LRRFIP1: variants seen among roughly 807,000 people sequenced by gnomAD.
LRRFIP1 encodes the protein LRR binding FLII interacting protein 1.
LRRFIP1 carries 62 observed loss-of-function variants against 104.4 expected under a neutral mutation model. That is an observed-to-expected ratio of 0.59 (90% CI 0.48 to 0.73). The LOEUF is 0.73. Ranked by LOEUF, LRRFIP1 falls within the 30% of genes least tolerant of loss-of-function variation. LRRFIP1 has a pLI of 0.00. For synonymous variants in LRRFIP1, 300 were observed against 299.0 expected, an observed-to-expected ratio of 1.00 and a Z score of -0.03; for missense variants, 796 against 824.5, an observed-to-expected ratio of 0.97 and a Z score of 0.42.
At chr2:237,700,658 G>A (rs1254712535) in intron 1 of LRRFIP1, among the ~76,000 whole-genome samples, 1 of 152,170 alleles carries the variant, frequency 6.6e-6, no homozygotes, top group Non-Finnish European at 1.5e-5. Context: ...GACATCTGAG[G>A]AGAGCTGCTG....
chr2:237,636,200 T>C (rs542540686), intron 1 of LRRFIP1, among the ~76,000 whole-genome samples: 4 of 152,034 alleles, frequency 2.6e-5, no homozygotes, highest in East Asian at 3.9e-4. Flanking sequence ...TGAGCATTCA[T>C]TGGGTTCATT....
rs1575808929 is a variant in LRRFIP1 at position 237,720,824 on chromosome 2, T to G, written c.345+2T>G. 1 of 1,613,808 alleles carries G rather than the reference T, an allele frequency of 6.2e-7. No individual in the cohort carries two copies. The highest frequency in any genetic ancestry group is 8.5e-7 in the Non-Finnish European group (1 of 1,179,742). ...GTGGGTAGTCGTGGAAGCCTGAGGG[T>G]CAGTAACCAGAATGATGGAGTTTGC... On this transcript the variant is annotated splice_donor_variant, in intron 6 of 23. Coordinates refer to ENST00000308482, the MANE Select transcript of LRRFIP1 (RefSeq NM_001137550.2). LOFTEE classifies it high-confidence loss of function.
At chr2:237,673,510 C>T (rs988796091) in intron 1 of LRRFIP1, among the ~76,000 whole-genome samples, 1 of 152,174 alleles carries the variant, frequency 6.6e-6, no homozygotes, top group Non-Finnish European at 1.5e-5. Flanking sequence ...TGGGGCGTGG[C>T]GTGGGGTGGT....
At chr2:237,627,833 T>G (rs1424542166) in intron 1 of LRRFIP1, 93 bp downstream of exon 1, 65 of 843,838 alleles carry the variant, frequency 7.7e-5, no homozygotes, top group Non-Finnish European at 9.7e-5. Context: ...TGTCCCGCTG[T>G]GCGTCTGTGC....
intron 23 of LRRFIP1, among the ~76,000 whole-genome samples, chr2:237,777,240 G>A (rs958920875): frequency 1.3e-5 from 2 of 152,090 alleles, no homozygotes; most frequent in Non-Finnish European, 2.9e-5. Context: ...TACTATTGTT[G>A]TGTTGTTGTT....
At chr2:237,708,775 G>T in intron 2 of LRRFIP1, 145 bp downstream of exon 2, 1 of 927,480 alleles carries the variant, frequency 1.1e-6, no homozygotes, top group South Asian at 1.4e-5. Context: ...TGTGACTTCT[G>T]CCCAAGGTCA....
At position 237,649,492 on chromosome 2, in the gene LRRFIP1, T is replaced by C. The variant is rs2085537425; in HGVS notation, c.96+21752T>C. Among the ~76,000 whole-genome samples the C allele has an allele frequency of 6.6e-6, 1 of 151,900 alleles. No individual in the cohort carries two copies. The highest frequency in any genetic ancestry group is 2.4e-5 in the African/African-American group (1 of 41,408). On this transcript the variant is annotated intron_variant, in intron 1 of 23. Coordinates refer to ENST00000308482, the MANE Select transcript of LRRFIP1 (RefSeq NM_001137550.2). This position sits in a 1 kb window ranked among gnomAD's most constrained non-coding sequence, Gnocchi z 4.1. ...GCTGCAGTGAGCCAAGATTGTGCCA[T>C]TGCACTCCAGCCTGGGCAACCAAGA...
intron 13 of LRRFIP1, among the ~76,000 whole-genome samples, chr2:237,750,525 C>T (rs1294886618): frequency 1.3e-5 from 2 of 151,846 alleles, no homozygotes; most frequent in African/African-American, 4.8e-5. Flanking sequence ...TTAGTGGAGA[C>T]GGGGTTTCGC....
chr2:237,758,516 A>G (rs2059531701), intron 17 of LRRFIP1, among the ~76,000 whole-genome samples: 2 of 152,214 alleles, frequency 1.3e-5, no homozygotes, highest in African/African-American at 4.8e-5. Context: ...CATGTCTTTC[A>G]TGGAGTATGA....
intron 2 of LRRFIP1, among the ~76,000 whole-genome samples, chr2:237,712,853 A>G (rs2094166479): frequency 6.6e-6 from 1 of 152,202 alleles, no homozygotes; most frequent in Non-Finnish European, 1.5e-5. Context: ...GAACCAGCTA[A>G]CATAATTTGA....
intron 19 of LRRFIP1, chr2:237,764,300 G>C: frequency 6.5e-7 from 1 of 1,533,480 alleles, no homozygotes; most frequent in Non-Finnish European, 8.8e-7. Context: ...GTTACTTGTA[G>C]ATTTCCATGT....
intron 1 of LRRFIP1, among the ~76,000 whole-genome samples, chr2:237,644,225 G>T (rs74493820): frequency 6.6e-6 from 1 of 152,206 alleles, no homozygotes; most frequent in Non-Finnish European, 1.5e-5. Context: ...CGATGAGCTC[G>T]CACTCCCTAA....
intron 23 of LRRFIP1, among the ~76,000 whole-genome samples, chr2:237,777,754 C>T (rs1266668780): frequency 6.6e-6 from 1 of 152,104 alleles, no homozygotes; most frequent in African/African-American, 2.4e-5. Flanking sequence ...AATATTCAAC[C>T]ATTAACTCCT....
chr2:237,647,263 T>G (rs941172585), intron 1 of LRRFIP1, among the ~76,000 whole-genome samples: 2 of 151,952 alleles, frequency 1.3e-5, no homozygotes, highest in African/African-American at 4.8e-5. Context: ...ATTGGCGGTG[T>G]GCAGGGCCTC....
At chr2:237,684,922 G>A (rs1446104683) in intron 1 of LRRFIP1, among the ~76,000 whole-genome samples, 6 of 144,242 alleles carry the variant, frequency 4.2e-5, no homozygotes, top group Admixed American at 6.9e-5. Flanking sequence ...CCCTGTCTCT[G>A]AAAAAAAAAA....
At chr2:237,720,920 G>A (rs905000488) in intron 6 of LRRFIP1, 98 bp downstream of exon 6, 17 of 1,071,070 alleles carry the variant, frequency 1.6e-5, no homozygotes, top group East Asian at 4.8e-5. Context: ...CATTATCCCC[G>A]TGGTCTGATA....
chr2:237,745,200 T>C (rs1312796207), intron 11 of LRRFIP1, among the ~76,000 whole-genome samples: 1 of 152,216 alleles, frequency 6.6e-6, no homozygotes, highest in African/African-American at 2.4e-5. Flanking sequence ...TGCCATCTGG[T>C]GGACACGAGT....
At chr2:237,751,518 A>G (rs2058628720) in intron 14 of LRRFIP1, among the ~76,000 whole-genome samples, 1 of 152,338 alleles carries the variant, frequency 6.6e-6, no homozygotes, top group Admixed American at 6.5e-5. Flanking sequence ...TCCCTGATGC[A>G]TGCCTTAGAC....
chr2:237,699,552 A>G (rs936369230), intron 1 of LRRFIP1, among the ~76,000 whole-genome samples: 2 of 152,038 alleles, frequency 1.3e-5, no homozygotes, highest in African/African-American at 4.8e-5. Flanking sequence ...GGATTTCACT[A>G]TGTTGGTCAG....
Sources: allele counts gnomAD v4.1 joint callset (sites outside exome capture counted in the v4.1 genomes callset), GRCh38; gene constraint gnomAD v4.1.1; non-coding constraint Gnocchi (gnomAD v3.1); transcripts MANE v1.5; gene names NCBI Gene and HGNC (gene_info 2026-07-23, HGNC 2026-07-21).